SLC5A1: variants seen among roughly 807,000 people sequenced by gnomAD.
SLC5A1 encodes the protein solute carrier family 5 member 1, also known as sodium/glucose cotransporter 1.
In SLC5A1, 42 loss-of-function variants were observed where a neutral mutation model predicts 73.5. The observed-to-expected ratio is 0.57, with a 90% CI of 0.45 to 0.74. The LOEUF is 0.74. Among genes scored for constraint, SLC5A1 ranks in the 30% least tolerant of loss-of-function variants. The pLI, the probability that SLC5A1 is intolerant of heterozygous loss-of-function variation, is 0.00. For missense variants in SLC5A1, 634 were observed against 855.4 expected (o/e 0.74, Z 3.23); for synonymous variants, 300 against 317.4 (o/e 0.95, Z 0.58).
chr22:32,106,677 G>A (rs753439956), intron 14 of SLC5A1, among the ~76,000 whole-genome samples: 10 of 152,172 alleles, frequency 6.6e-5, no homozygotes, highest in Admixed American at 3.9e-4. Flanking sequence ...ATGAAATAAC[G>A]CTTAGTCAGT....
intron 2 of SLC5A1, among the ~76,000 whole-genome samples, chr22:32,060,009 G>A (rs2093958000): frequency 7.8e-6 from 1 of 128,236 alleles, no homozygotes; most frequent in South Asian, 2.7e-4. Context: ...CAGGGGCCAT[G>A]GTTATACACA....
In SLC5A1 at chr22:32,110,576, A is replaced by G. The variant is rs919139232; in HGVS notation, c.*363A>G. On this transcript the variant is annotated 3_prime_UTR_variant, in exon 15 of 15. Transcript: ENST00000266088. Reference sequence around the variant, plus strand: ...TATAATCCTTGAATATTGTTTTAGAAACTTTGGTCTCCCTGGTTCCTGCCA... The same window carrying G: ...TATAATCCTTGAATATTGTTTTAGAGACTTTGGTCTCCCTGGTTCCTGCCA... 1 of 325,694 alleles carries G rather than the reference A, an allele frequency of 3.1e-6. No individual in the cohort carries two copies. The highest frequency in any genetic ancestry group is 5.9e-6 in the Non-Finnish European group (1 of 169,774). The allele number at this position is 325,694 out of a possible 1,614,324, so 20.2% of individuals were successfully genotyped here.
intron 14 of SLC5A1, among the ~76,000 whole-genome samples, chr22:32,109,043 C>T (rs889282186): frequency 6.6e-6 from 1 of 152,046 alleles, no homozygotes; most frequent in Non-Finnish European, 1.5e-5. Context: ...TGGCATGCAC[C>T]TTTAGTCCCA....
intron 5 of SLC5A1, among the ~76,000 whole-genome samples, chr22:32,070,492 C>T (rs765459694): frequency 4.6e-5 from 7 of 151,272 alleles, no homozygotes; most frequent in Non-Finnish European, 1.0e-4. Context: ...TCCACCATGC[C>T]CAGCTAATTA....
In SLC5A1 at chr22:32,084,151, T is replaced by G. The variant is rs1202362565; in HGVS notation, c.665-288T>G. Among the ~76,000 whole-genome samples, 4 of 152,378 alleles carry G rather than the reference T, an allele frequency of 2.6e-5. No individual in the cohort carries two copies. The East Asian group carries it at 7.7e-4, about 29-fold the overall frequency. The stretch of plus-strand genomic sequence containing the variant: ...TCCCAAACCAAGGTCTTTCTTTGAT[T>G]AATAAAAGTCCCTTCCCTTTTACAA... On this transcript the variant is annotated intron_variant, in intron 7 of 14. Transcript: ENST00000266088.
chr22:32,099,107 T>A (rs3986043), intron 11 of SLC5A1, 76 bp from the exon 12 acceptor site: 309 of 83,610 alleles, frequency 3.7e-3, no homozygotes, highest in South Asian at 6.8e-3. Flanking sequence ...AAAAAAAAAA[T>A]ATATATATAT....
intron 12 of SLC5A1, 42 bp downstream of exon 12, chr22:32,099,393 T>C (rs1171879314): frequency 6.4e-7 from 1 of 1,564,572 alleles, no homozygotes. Flanking sequence ...CATTCTGGCA[T>C]AGAAGTTTCC....
rs983043079 is a variant in SLC5A1, at chr22:32,112,357, C to G, written c.*2144C>G. The stretch of plus-strand genomic sequence containing the variant: ...ACCAAGTTCCTCACCTTGGCTGAGT[C>G]CCTAAAACTCTCTGAACCTCAGGTT... On this transcript the variant is annotated 3_prime_UTR_variant, in exon 15 of 15. Transcript: ENST00000266088. The G allele has an allele frequency of 1.3e-5, 2 of 152,194 alleles. No individual in the cohort carries two copies. The highest frequency in any genetic ancestry group is 4.2e-4 in the South Asian group (2 of 4,812). The allele number at this position is 152,194 out of a possible 1,614,324, so 9.4% of individuals were successfully genotyped here.
intron 13 of SLC5A1, 137 bp from the exon 14 acceptor site, chr22:32,104,649 T>A: frequency 1.4e-6 from 1 of 709,062 alleles, no homozygotes; most frequent in Non-Finnish European, 2.6e-6. Flanking sequence ...TGGATGAGAA[T>A]CGTTGTGTAT....
At chr22:32,076,373 CTG>C (rs945718278) in intron 5 of SLC5A1, among the ~76,000 whole-genome samples, 1 of 152,210 alleles carries the variant, frequency 6.6e-6, no homozygotes, top group African/African-American at 2.4e-5. Context: ...GCATTCCATT[CTG>C]TAAAATTTCC....
At chr22:32,049,437 G>T (rs1316087586) in intron 1 of SLC5A1, among the ~76,000 whole-genome samples, 2 of 144,442 alleles carry the variant, frequency 1.4e-5, no homozygotes, top group Non-Finnish European at 3.0e-5. Flanking sequence ...TTTGAGATGG[G>T]TGTTGCTATG....
chr22:32,066,168 TC>T (rs1203550255), intron 2 of SLC5A1, among the ~76,000 whole-genome samples: 1 of 152,182 alleles, frequency 6.6e-6, no homozygotes, highest in Non-Finnish European at 1.5e-5. Flanking sequence ...CCTTTCCCCT[TC>T]CAGTCTTCCA....
rs746302270 is a variant in SLC5A1, at chr22:32,067,999, G to C, written c.345G>C (p.Leu115=). ...TTTTGGTGGTTGTGCTGGGCTGGCT[G>C]TTTGTCCCCATCTATATTAAGGCTG... is the stretch of plus-strand genomic sequence containing the variant. ...ALVLVVVLGW[L]FVPIYIKAGV... Residue 115 remains leucine, a synonymous_variant, in exon 4 of 15, where the codon CTG becomes CTC. Coordinates refer to ENST00000266088, the MANE Select transcript of SLC5A1 (RefSeq NM_000343.4). 1.2e-6 allele frequency: 2 copies of C among 1,614,010 alleles called. No homozygotes were observed. The highest frequency in any genetic ancestry group is 1.7e-5 in the Admixed American group (1 of 59,998).
chr22:32,104,965 TC>T (rs33914357), intron 14 of SLC5A1, 74 bp downstream of exon 14: 1 of 1,080,184 alleles, frequency 9.3e-7, no homozygotes, highest in Non-Finnish European at 1.4e-6. Flanking sequence ...CTGAAGTTCT[TC>T]CCTAAATAAT....
intron 5 of SLC5A1, among the ~76,000 whole-genome samples, chr22:32,081,026 C>T (rs1475297588): frequency 4.6e-5 from 7 of 152,076 alleles, no homozygotes; most frequent in Non-Finnish European, 8.8e-5. Flanking sequence ...TCACCATGAT[C>T]ATCCCTTAAT....
At chr22:32,082,530 CAG>C (rs1226355366) in intron 6 of SLC5A1, among the ~76,000 whole-genome samples, 1 of 152,042 alleles carries the variant, frequency 6.6e-6, no homozygotes, top group Non-Finnish European at 1.5e-5. Flanking sequence ...GACTCACACA[CAG>C]AGGTTTCAGA....
At chr22:32,088,435 C>G (rs913740227) in intron 10 of SLC5A1, among the ~76,000 whole-genome samples, 1 of 150,684 alleles carries the variant, frequency 6.6e-6, no homozygotes, top group Non-Finnish European at 1.5e-5. Context: ...CTCCCCAGTT[C>G]AAGCAATTCT....
intron 6 of SLC5A1, 94 bp downstream of exon 6, chr22:32,082,065 T>C (rs563736121): frequency 1.2e-5 from 10 of 841,256 alleles, no homozygotes; most frequent in Admixed American, 3.5e-5. Flanking sequence ...GTTTCTCTTC[T>C]TGAGGAGAGA....
rs764766115 is a variant in SLC5A1, at chr22:32,068,027, G to GCT, written c.372+1_372+2insCT. ...TGTCCCCATCTATATTAAGGCTGGG[G>GCT]TAAGTATCTGCTCTGTTATTTCATT... On this transcript the variant is annotated splice_donor_variant, in intron 4 of 14. Coordinates refer to ENST00000266088, the MANE Select transcript of SLC5A1 (RefSeq NM_000343.4). LOFTEE classifies it high-confidence loss of function. 4.3e-5 allele frequency: 70 copies of GCT among 1,613,728 alleles called. No homozygotes were observed. The highest frequency in any genetic ancestry group is 5.4e-5 in the Non-Finnish European group (64 of 1,179,612).
Sources: gnomAD v4.1 joint callset for allele counts (sites outside exome capture counted in the v4.1 genomes callset) on GRCh38, gnomAD v4.1.1 for gene constraint, MANE v1.5 for transcripts, NCBI Gene and HGNC (gene_info 2026-07-23, HGNC 2026-07-21) for gene names.